Variants in OR1A1 observed in about 807,000 individuals in gnomAD.
The protein encoded by OR1A1 is olfactory receptor family 1 subfamily A member 1.
For synonymous variants in OR1A1, 145 were observed against 147.8 expected, an observed-to-expected ratio of 0.98 and a Z score of 0.13; for missense variants, 391 against 379.9, an observed-to-expected ratio of 1.03 and a Z score of -0.24.
In OR1A1 at chr17:3,216,181, A is replaced by G. The variant is rs1567526079; in HGVS notation, c.561A>G (p.Leu187=). ...GTGACATTACCCCCTTGCTGAAGTT[A>G]TCCTGTTCTGACATCCACTTTCATG... The part of the protein sequence containing the change: ...FYCDITPLLK[L]SCSDIHFHVK... The change falls in exon 4 of 4, where the codon TTA becomes TTG. Residue 187 remains leucine, a synonymous_variant. Coordinates refer to ENST00000641732, the MANE Select transcript of OR1A1 (RefSeq NM_014565.3). The G allele has an allele frequency of 1.2e-6, 2 of 1,614,060 alleles. No homozygotes were observed. The highest frequency in any genetic ancestry group is 1.7e-6 in the Non-Finnish European group (2 of 1,180,020).
intron 2 of OR1A1, among the ~76,000 whole-genome samples, chr17:3,209,843 C>T (rs1400682967): frequency 6.6e-6 from 1 of 152,182 alleles, no homozygotes; most frequent in Non-Finnish European, 1.5e-5. Context: ...CTGCCTTTCA[C>T]TCCAGAGAAA....
Position 3,215,619 on chromosome 17 carries a change from C to G in OR1A1, c.-2C>G. On this transcript the variant is annotated 5_prime_UTR_variant, in exon 4 of 4. Coordinates refer to ENST00000641732, the MANE Select transcript of OR1A1 (RefSeq NM_014565.3). ...CCTCTCCCCTTTCATGTTAAAGAAGCCATGAGGGAAAATAACCAGTCCTCT... is the reference window on the plus strand; with the variant it reads ...CCTCTCCCCTTTCATGTTAAAGAAGGCATGAGGGAAAATAACCAGTCCTCT... 1.9e-6 allele frequency: 3 copies of G among 1,605,470 alleles called. No individual in the cohort carries two copies. Among genetic ancestry groups the G allele is most frequent in the Non-Finnish European group, 2.6e-6 (3 of 1,173,084 alleles).
At position 3,215,648 on chromosome 17, in the gene OR1A1, C is replaced by T. The variant is rs1053379277; in HGVS notation, c.28C>T (p.Leu10=). 1.2e-6 allele frequency: 2 copies of T among 1,613,958 alleles called. No homozygotes were observed. Among genetic ancestry groups the T allele is most frequent in the Non-Finnish European group, 8.5e-7 (1 of 1,179,878 alleles). ...GAGGGAAAATAACCAGTCCTCTACA[C>T]TGGAATTCATCCTCCTGGGAGTTAC... MRENNQSST[L]EFILLGVTGQ... Residue 10 remains leucine, a synonymous_variant, in exon 4 of 4, where the codon CTG becomes TTG. Transcript: ENST00000641732.
chr17:3,211,390 A>C (rs1188242403), intron 2 of OR1A1, among the ~76,000 whole-genome samples: 1 of 151,556 alleles, frequency 6.6e-6, no homozygotes, highest in Non-Finnish European at 1.5e-5. Context: ...GCTGGAGTGC[A>C]GTGGTACAAT....
rs976719026 is a variant in OR1A1, at chr17:3,216,626, C to A, written c.*76C>A. 1.2e-5 allele frequency: 13 copies of A among 1,108,860 alleles called. No individual in the cohort carries two copies. The highest frequency in any genetic ancestry group is 1.6e-5 in the African/African-American group (1 of 64,228). The allele number at this position is 1,108,860 out of a possible 1,614,324, so 68.7% of individuals were successfully genotyped here. On this transcript the variant is annotated 3_prime_UTR_variant, in exon 4 of 4. Coordinates refer to ENST00000641732, the MANE Select transcript of OR1A1 (RefSeq NM_014565.3). ...GGAAATCCAGTTCTGATGTCATCCT[C>A]CTACGAGAGGCAGTCTCTGATCTTT...
intron 2 of OR1A1, among the ~76,000 whole-genome samples, chr17:3,211,689 T>C (rs2048442622): frequency 1.3e-5 from 2 of 152,166 alleles, no homozygotes; most frequent in South Asian, 4.1e-4. Context: ...AAGAAACTTG[T>C]ATCTGGTTTG....
At chr17:3,214,943 C>G (rs537305915) in intron 3 of OR1A1, 2 of 152,300 alleles carry the variant, frequency 1.3e-5, no homozygotes, top group Admixed American at 1.3e-4. Context: ...AGAAAATTCT[C>G]CAGACTGTTT....
Position 3,216,156 on chromosome 17 carries a change from G to A in OR1A1, c.536G>A (p.Cys179Tyr), listed in dbSNP as rs201460210. The change falls in exon 4 of 4, where the codon TGT becomes TAT. Residue 179 changes from cysteine to tyrosine, a missense_variant. Cys to Tyr is a radical substitution (Grantham distance 194, BLOSUM62 -2). Transcript: ENST00000641732. ...CGNQEVANFY[C>Y]DITPLLKLSC... The stretch of plus-strand genomic sequence containing the variant: ...AACCAGGAAGTGGCCAACTTCTACT[G>A]TGACATTACCCCCTTGCTGAAGTTA... 93 of 1,614,048 alleles carry A rather than the reference G, an allele frequency of 5.8e-5. No individual in the cohort carries two copies. Among genetic ancestry groups the A allele is most frequent in the Middle Eastern group, 1.6e-4 (1 of 6,084 alleles).
chr17:3,211,492 C>A (rs951359924), intron 2 of OR1A1, among the ~76,000 whole-genome samples: 3 of 152,010 alleles, frequency 2.0e-5, no homozygotes, highest in Non-Finnish European at 2.9e-5. Flanking sequence ...TGCACCACCA[C>A]GCCCAGCTAA....
chr17:3,216,568 A>G lies in OR1A1; in HGVS notation c.*18A>G, dbSNP rs751663839. The stretch of plus-strand genomic sequence containing the variant: ...CCTCGTAACCAATGTGAGGGCCTAC[A>G]TTGGATACCGTAGTCACCAGTTACG... On this transcript the variant is annotated 3_prime_UTR_variant, in exon 4 of 4. Coordinates refer to ENST00000641732, the MANE Select transcript of OR1A1 (RefSeq NM_014565.3). The G allele has an allele frequency of 2.5e-6, 4 of 1,583,226 alleles. No individual in the cohort carries two copies. In the South Asian group the frequency reaches 3.4e-5, roughly 13 times the overall value.
intron 3 of OR1A1, chr17:3,213,763 G>A (rs1386944857): frequency 6.6e-6 from 1 of 152,216 alleles, no homozygotes; most frequent in Non-Finnish European, 1.5e-5. Flanking sequence ...GAGGAGCCCA[G>A]AACTGGGACA....
intron 3 of OR1A1, chr17:3,215,225 G>A (rs989933867): frequency 2.8e-5 from 5 of 175,540 alleles, no homozygotes; most frequent in African/African-American, 4.8e-5. Context: ...CAGAGACCAC[G>A]TCTTGAATAA....
rs780801235 is a variant in OR1A1, at chr17:3,215,804, C to A, written c.184C>A (p.Leu62Ile). 18 of 1,614,142 alleles carry A rather than the reference C, an allele frequency of 1.1e-5. No homozygotes were observed. In the African/African-American group the frequency reaches 1.3e-4, roughly 12 times the overall value. The change falls in exon 4 of 4, where the codon CTC becomes ATC. Residue 62 changes from leucine to isoleucine, a missense_variant. By Grantham distance (5) the Leu-to-Ile change is conservative. Transcript: ENST00000641732. ...DVRLHNPMYF[L>I]LANLSLVDIF... ...TCGCCTTCACAACCCCATGTATTTT[C>A]TCCTTGCCAACCTCTCCTTGGTTGA...
rs1567526663 is a variant in OR1A1, at chr17:3,218,443, C to G, written c.*1893C>G. On this transcript the variant is annotated 3_prime_UTR_variant, in exon 4 of 4. Transcript: ENST00000641732. ...GGTATATACCTAAAGGATTATAAAT[C>G]ATTCTACTATAAAGACACATGCACA... 1 of 152,304 alleles carries G rather than the reference C, an allele frequency of 6.6e-6. No individual in the cohort carries two copies. The highest frequency in any genetic ancestry group is 2.1e-4 in the South Asian group (1 of 4,824). The allele number at this position is 152,304 out of a possible 1,614,324, so 9.4% of individuals were successfully genotyped here.
intron 1 of OR1A1, among the ~76,000 whole-genome samples, 170 bp downstream of exon 1, chr17:3,208,170 GATATAT>G (rs10579673): frequency 0.25 from 36,946 of 150,288 alleles, 5,314 homozygotes; most frequent in East Asian, 0.57. Context: ...TAGAGATAGA[GATATAT>G]ATATAGAGAG....
intron 2 of OR1A1, among the ~76,000 whole-genome samples, chr17:3,212,013 ATACT>A (rs2048444478): frequency 1.3e-5 from 2 of 151,842 alleles, no homozygotes; most frequent in African/African-American, 4.8e-5. Flanking sequence ...GATTTTTGAA[ATACT>A]TGTTTATAAC....
intron 3 of OR1A1, chr17:3,213,874 G>C (rs987049139): frequency 6.6e-6 from 1 of 152,188 alleles, no homozygotes; most frequent in Non-Finnish European, 1.5e-5. Flanking sequence ...AGAACAACAC[G>C]GATTTGACTA....
chr17:3,210,484 A>C (rs191688612), intron 2 of OR1A1, among the ~76,000 whole-genome samples: 1 of 152,148 alleles, frequency 6.6e-6, no homozygotes, highest in Non-Finnish European at 1.5e-5. Context: ...TGTTAAATTT[A>C]ATTTTATTTT....
At chr17:3,209,084 C>T (rs1297812599) in intron 2 of OR1A1, 86 bp downstream of exon 2, 3 of 152,146 alleles carry the variant, frequency 2.0e-5, no homozygotes, top group Non-Finnish European at 4.4e-5. Context: ...TATTTGGTTA[C>T]ATGAGTAAGT....
Sources: allele counts gnomAD v4.1 joint callset (sites outside exome capture counted in the v4.1 genomes callset), GRCh38; gene constraint gnomAD v4.1.1; transcripts MANE v1.5; gene names NCBI Gene and HGNC (gene_info 2026-07-23, HGNC 2026-07-21).